Variants in SP100 observed in about 807,000 individuals in gnomAD.
The protein encoded by SP100 is nuclear autoantigen Sp-100.
A neutral mutation model predicts 130.0 loss-of-function variants in SP100; 84 were observed. The observed-to-expected ratio is 0.65, with a 90% CI of 0.54 to 0.77. The LOEUF is 0.77. Among genes scored for constraint, SP100 ranks in the 30% least tolerant of loss-of-function variants. The pLI is 0.00. For missense variants in SP100, 978 were observed against 1,052.2 expected, an observed-to-expected ratio of 0.93 and a Z score of 0.97; for synonymous variants, 331 against 351.7, an observed-to-expected ratio of 0.94 and a Z score of 0.66.
intron 17 of SP100, among the ~76,000 whole-genome samples, chr2:230,479,651 C>T (rs1269050219): frequency 6.6e-6 from 1 of 152,142 alleles, no homozygotes; most frequent in Non-Finnish European, 1.5e-5. Flanking sequence ...AATAGGAAAT[C>T]CAGTGAAATG....
At chr2:230,495,865 T>C (rs959713302) in intron 18 of SP100, among the ~76,000 whole-genome samples, 1 of 152,204 alleles carries the variant, frequency 6.6e-6, no homozygotes, top group Non-Finnish European at 1.5e-5. Flanking sequence ...CTTTTTCCTC[T>C]AGAGCTAAAG....
intron 17 of SP100, among the ~76,000 whole-genome samples, chr2:230,477,069 G>C (rs2065588689): frequency 6.6e-6 from 1 of 152,066 alleles, no homozygotes; most frequent in African/African-American, 2.4e-5. Flanking sequence ...GTTTCACTGT[G>C]TTAGCCAGGA....
chr2:230,502,978 C>T lies in SP100; in HGVS notation c.1721-88C>T, dbSNP rs925274051. On this transcript the variant is annotated intron_variant, in intron 19 of 28. Transcript: ENST00000340126. ...TTTTCTTTAAGTTCTAGACAGGATC[C>T]TGAAAAGTTGCATTTGAATGGTGGT... 4.9e-6 allele frequency: 5 copies of T among 1,028,160 alleles called. No homozygotes were observed. The African/African-American group carries it at 8.1e-5, about 17-fold the overall frequency. The allele number at this position is 1,028,160 out of a possible 1,614,324, so 63.7% of individuals were successfully genotyped here.
At position 230,473,326 on chromosome 2, in the gene SP100, T is replaced by A. The variant is rs779440567; in HGVS notation, c.1432T>A (p.Ser478Thr). 1.2e-6 allele frequency: 2 copies of A among 1,608,920 alleles called. No homozygotes were observed. Among genetic ancestry groups the A allele is most frequent in the African/African-American group, 1.3e-5 (1 of 74,774 alleles). ...AATGTTTACAAATCACAATTTAGGA[T>A]CACAGCCACAAGAACCTGAAAATAA... is the stretch of plus-strand genomic sequence containing the variant. ...CSSSLRRGSG[S>T]QPQEPENKKC... Residue 478 changes from serine (S) to threonine (T), a missense_variant and splice_region_variant, in exon 16 of 29, where the codon TCA (serine) becomes ACA (threonine). Ser to Thr is a moderately conservative substitution (Grantham distance 58). Coordinates refer to ENST00000340126, the MANE Select transcript of SP100 (RefSeq NM_001080391.2).
chr2:230,533,654 C>T (rs990640534), intron 24 of SP100, among the ~76,000 whole-genome samples: 3 of 152,180 alleles, frequency 2.0e-5, no homozygotes, highest in African/African-American at 7.2e-5. Flanking sequence ...GAAATTAAAA[C>T]TATTCAATCT....
At chr2:230,531,327 C>T (rs1202770222) in intron 24 of SP100, among the ~76,000 whole-genome samples, 1 of 151,958 alleles carries the variant, frequency 6.6e-6, no homozygotes, top group Non-Finnish European at 1.5e-5. Flanking sequence ...GGACAGAAAA[C>T]CAAACACCGC....
At chr2:230,500,376 T>G (rs2066953019) in intron 19 of SP100, among the ~76,000 whole-genome samples, 2 of 152,190 alleles carry the variant, frequency 1.3e-5, no homozygotes, top group South Asian at 4.1e-4. Flanking sequence ...TCAGCCCTGA[T>G]GTCTCCAGGC....
intron 24 of SP100, among the ~76,000 whole-genome samples, chr2:230,514,061 T>A (rs1031058387): frequency 1.3e-5 from 2 of 150,568 alleles, no homozygotes; most frequent in South Asian, 2.1e-4. Context: ...CACAATAGAA[T>A]AAAGAAATTA....
chr2:230,541,320 T>C lies in SP100; in HGVS notation c.2351T>C (p.Leu784Ser), dbSNP rs1394753746. Reference sequence around the variant, plus strand: ...TTGCAGAAATGTGAATTCCTCCTCTTGAAGGTCTACTGTGATTCGAAAAGC... The same window carrying C: ...TTGCAGAAATGTGAATTCCTCCTCTCGAAGGTCTACTGTGATTCGAAAAGC... ...EEQLKCEFLL[L>S]KVYCDSKSCF... Residue 784 changes from leucine (L) to serine (S), a missense_variant, in exon 27 of 29, where the codon TTG becomes TCG. Leu to Ser is a moderately radical substitution (Grantham distance 145). Coordinates refer to ENST00000340126, the MANE Select transcript of SP100 (RefSeq NM_001080391.2). The C allele has an allele frequency of 3.1e-6, 5 of 1,613,896 alleles. No individual in the cohort carries two copies. The highest frequency in any genetic ancestry group is 4.2e-6 in the Non-Finnish European group (5 of 1,179,920).
At chr2:230,533,462 C>T (rs1378317629) in intron 24 of SP100, among the ~76,000 whole-genome samples, 1 of 152,182 alleles carries the variant, frequency 6.6e-6, no homozygotes, top group Non-Finnish European at 1.5e-5. Flanking sequence ...ATAGGACTTT[C>T]TGCAGCATAA....
intron 17 of SP100, among the ~76,000 whole-genome samples, chr2:230,478,277 G>A (rs1322545829): frequency 6.6e-6 from 1 of 152,110 alleles, no homozygotes; most frequent in Non-Finnish European, 1.5e-5. Context: ...TATAAGTTTA[G>A]GGATCCAGAT....
intron 16 of SP100, among the ~76,000 whole-genome samples, 177 bp from the exon 17 acceptor site, chr2:230,474,217 A>T (rs2065420314): frequency 1.3e-5 from 2 of 152,256 alleles, no homozygotes; most frequent in Admixed American, 6.5e-5. Flanking sequence ...GTCTCAGAGA[A>T]CTAGACGAAG....
At chr2:230,454,508 A>T (rs2064171564) in intron 8 of SP100, among the ~76,000 whole-genome samples, 2 of 152,114 alleles carry the variant, frequency 1.3e-5, no homozygotes, top group South Asian at 4.1e-4. Context: ...TTGTCTCAAG[A>T]TTTAAAAAAT....
chr2:230,449,470 C>A, intron 6 of SP100, 91 bp from the exon 7 acceptor site: 2 of 1,422,230 alleles, frequency 1.4e-6, no homozygotes, highest in Non-Finnish European at 2.0e-6. Flanking sequence ...CTTGACCTTA[C>A]GTCCATCAGT....
At chr2:230,473,573 C>G in intron 16 of SP100, 133 bp downstream of exon 16, 2 of 556,314 alleles carry the variant, frequency 3.6e-6, no homozygotes, top group Non-Finnish European at 6.5e-6. Flanking sequence ...GAAGTGGGCC[C>G]ACAGGCCCCA....
chr2:230,473,920 A>G (rs2065403046), intron 16 of SP100, among the ~76,000 whole-genome samples: 1 of 152,018 alleles, frequency 6.6e-6, no homozygotes, highest in African/African-American at 2.4e-5. Flanking sequence ...TTCCACTCAC[A>G]GGTAATAGTG....
At chr2:230,524,646 A>G (rs965318726) in intron 24 of SP100, among the ~76,000 whole-genome samples, 4 of 152,210 alleles carry the variant, frequency 2.6e-5, no homozygotes, top group African/African-American at 9.6e-5. Flanking sequence ...AGTGCTATAG[A>G]TAAAGTTTTT....
chr2:230,441,093 C>A (rs1431318974), intron 2 of SP100, among the ~76,000 whole-genome samples: 1 of 151,970 alleles, frequency 6.6e-6, no homozygotes, highest in Non-Finnish European at 1.5e-5. Context: ...CACTTCTATC[C>A]ATAATATATT....
chr2:230,462,011 G>A lies in SP100; in HGVS notation c.974-424G>A, dbSNP rs140985709. Reference sequence around the variant, plus strand: ...AAAAAAGAGAGGAAGGCATGGGAGAGGAGTTAAAAAAAAAATCAGAGAGCC... The same window carrying A: ...AAAAAAGAGAGGAAGGCATGGGAGAAGAGTTAAAAAAAAAATCAGAGAGCC... On this transcript the variant is annotated intron_variant, in intron 9 of 28. Transcript: ENST00000340126. Among the ~76,000 whole-genome samples the A allele has an allele frequency of 3.5e-3, 526 of 150,764 alleles. 5 individuals are homozygous for A. The highest frequency in any genetic ancestry group is 0.012 in the African/African-American group (486 of 41,084).
Sources: gnomAD v4.1 joint callset for allele counts (sites outside exome capture counted in the v4.1 genomes callset) on GRCh38, gnomAD v4.1.1 for gene constraint, MANE v1.5 for transcripts, NCBI Gene and HGNC (gene_info 2026-07-23, HGNC 2026-07-21) for gene names.